Variants in DLG2 observed in about 807,000 individuals in gnomAD.
The protein encoded by DLG2 is disks large homolog 2.
In DLG2, 45 loss-of-function variants were observed where a neutral mutation model predicts 132.5. The observed-to-expected ratio is 0.34, with a 90% CI of 0.27 to 0.44. The LOEUF (loss-of-function observed/expected upper bound fraction) is 0.44. Among genes scored for constraint, DLG2 ranks in the 20% least tolerant of loss-of-function variants. The probability of loss-of-function intolerance (pLI) is 1.00; values close to 1 mark genes in which losing one functional copy is unlikely to be tolerated. For missense variants in DLG2, 1,045 were observed against 1,196.9 expected, an observed-to-expected ratio of 0.87 and a Z score of 1.87; for synonymous variants, 424 against 419.6, an observed-to-expected ratio of 1.01 and a Z score of -0.13.
chr11:84,848,536 T>C (rs1325367313), intron 6 of DLG2, among the ~76,000 whole-genome samples: 1 of 152,032 alleles, frequency 6.6e-6, no homozygotes, highest in East Asian at 1.9e-4. Flanking sequence ...ATGCTATGTT[T>C]ACTCCCCAAC....
intron 21 of DLG2, among the ~76,000 whole-genome samples, chr11:83,513,312 A>G (rs930566759): frequency 8.5e-5 from 13 of 152,174 alleles, no homozygotes; most frequent in Non-Finnish European, 1.2e-4. Flanking sequence ...GTCTGTTGGT[A>G]GCATAAATGT....
chr11:84,567,011 T>G (rs182327638), intron 6 of DLG2, among the ~76,000 whole-genome samples: 2 of 152,118 alleles, frequency 1.3e-5, no homozygotes, highest in Non-Finnish European at 2.9e-5. Context: ...ATGAAAAACA[T>G]AGAAAATACT....
At chr11:84,141,680 G>A (rs1038259417) in intron 9 of DLG2, among the ~76,000 whole-genome samples, 3 of 152,104 alleles carry the variant, frequency 2.0e-5, no homozygotes, top group Admixed American at 1.3e-4. Flanking sequence ...ATTAGTGGCT[G>A]CAGGTGTCTC....
At chr11:84,141,191 T>C (rs866241265) in intron 9 of DLG2, among the ~76,000 whole-genome samples, 1 of 152,184 alleles carries the variant, frequency 6.6e-6, no homozygotes, top group African/African-American at 2.4e-5. Flanking sequence ...TATTCTTTTT[T>C]CTTATTTATT....
chr11:84,917,979 T>C (rs535045524), intron 6 of DLG2, among the ~76,000 whole-genome samples: 1 of 152,252 alleles, frequency 6.6e-6, no homozygotes, highest in African/African-American at 2.4e-5. Context: ...GGTCCATACA[T>C]TGTGATTCAT....
At chr11:84,251,901 G>C (rs2097382993) in intron 7 of DLG2, among the ~76,000 whole-genome samples, 1 of 151,856 alleles carries the variant, frequency 6.6e-6, no homozygotes. Context: ...GACTCCCAAA[G>C]TGCTGGGATT....
chr11:83,707,906 C>T (rs1275051091), intron 18 of DLG2, among the ~76,000 whole-genome samples: 6 of 152,166 alleles, frequency 3.9e-5, no homozygotes, highest in Admixed American at 3.9e-4. Context: ...CGTGCAGCTT[C>T]TGTCATATGG....
chr11:85,579,761 A>G (rs1421630782), intron 3 of DLG2, among the ~76,000 whole-genome samples: 1 of 152,110 alleles, frequency 6.6e-6, no homozygotes, highest in Non-Finnish European at 1.5e-5. Context: ...GTCTCAGCTC[A>G]CTGTAACCTC....
Position 84,569,846 on chromosome 11 carries a change from T to A in DLG2, c.358-35115A>T, listed in dbSNP as rs184764517. Among the ~76,000 whole-genome samples the A allele has an allele frequency of 3.2e-3, 492 of 152,340 alleles. 4 individuals carry two copies. The highest frequency in any genetic ancestry group is 0.011 in the African/African-American group (463 of 41,588). On this transcript the variant is annotated intron_variant, in intron 6 of 27. Coordinates refer to ENST00000376104, the MANE Select transcript of DLG2 (RefSeq NM_001142699.3). ...TGGGTCATTAACACTGTGAAGCATT[T>A]TAGCCCTTGACTGGACACCTGGGCT... is the stretch of plus-strand genomic sequence containing the variant.
At chr11:85,236,995 A>C (rs2075620052) in intron 4 of DLG2, among the ~76,000 whole-genome samples, 1 of 152,052 alleles carries the variant, frequency 6.6e-6, no homozygotes, top group South Asian at 2.1e-4. Context: ...CACAAACTAC[A>C]TGTCTATGTG....
chr11:84,986,927 G>T (rs2056558898), intron 6 of DLG2, among the ~76,000 whole-genome samples: 1 of 152,160 alleles, frequency 6.6e-6, no homozygotes, highest in African/African-American at 2.4e-5. Context: ...TCAGAAAAGA[G>T]AAAGAAATAC....
At chr11:85,399,624 C>T (rs975617725) in intron 3 of DLG2, among the ~76,000 whole-genome samples, 7 of 152,062 alleles carry the variant, frequency 4.6e-5, no homozygotes, top group African/African-American at 7.2e-5. Flanking sequence ...AGAAATAATG[C>T]CACATATCTA....
intron 6 of DLG2, among the ~76,000 whole-genome samples, chr11:85,053,366 C>G (rs7931733): frequency 0.5 from 76,642 of 151,876 alleles, 19,617 homozygotes; most frequent in East Asian, 0.66. Context: ...CATCTGTCAA[C>G]TAGGCATAAT....
intron 5 of DLG2, among the ~76,000 whole-genome samples, chr11:85,134,105 C>A (rs1009479746): frequency 6.6e-6 from 1 of 151,832 alleles, no homozygotes; most frequent in Non-Finnish European, 1.5e-5. Flanking sequence ...CAATAAAAAT[C>A]GAAAATCAAT....
chr11:84,768,855 T>G (rs1406980009), intron 6 of DLG2, among the ~76,000 whole-genome samples: 1 of 151,982 alleles, frequency 6.6e-6, no homozygotes, highest in African/African-American at 2.4e-5. Context: ...CAGAAATCTC[T>G]CTCTAGGCCA....
At chr11:84,850,255 A>G (rs12274130) in intron 6 of DLG2, among the ~76,000 whole-genome samples, 25,888 of 152,046 alleles carry the variant, frequency 0.17, 2,349 homozygotes, top group Middle Eastern at 0.23. Flanking sequence ...AAAATTTGCT[A>G]TGCAACATCT....
intron 3 of DLG2, among the ~76,000 whole-genome samples, chr11:85,479,692 A>T (rs1280950595): frequency 6.6e-6 from 1 of 152,148 alleles, no homozygotes; most frequent in Non-Finnish European, 1.5e-5. Context: ...ACAGTAATTA[A>T]GTACCTGGGT....
chr11:83,835,405 G>C (rs943431700), intron 16 of DLG2, among the ~76,000 whole-genome samples: 6 of 152,180 alleles, frequency 3.9e-5, no homozygotes, highest in African/African-American at 1.4e-4. Context: ...GCCTGGGTAG[G>C]ATGGATTGAG....
At chr11:84,150,502 C>T (rs2095259835) in intron 9 of DLG2, among the ~76,000 whole-genome samples, 1 of 152,120 alleles carries the variant, frequency 6.6e-6, no homozygotes, top group African/African-American at 2.4e-5. Flanking sequence ...GATAGAGAAA[C>T]ATAGTATTTT....
Sources: allele counts gnomAD v4.1 joint callset (sites outside exome capture counted in the v4.1 genomes callset), GRCh38; gene constraint gnomAD v4.1.1; transcripts MANE v1.5; gene names NCBI Gene and HGNC (gene_info 2026-07-23, HGNC 2026-07-21).